HMCN2: variants seen among roughly 807,000 people sequenced by gnomAD.
HMCN2 encodes hemicentin-2.
Under a neutral mutation model 377.5 loss-of-function variants are expected in HMCN2, and 325 were observed. The ratio of observed to expected loss-of-function variants is 0.86; its 90% CI spans 0.79 to 0.94. The LOEUF (loss-of-function observed/expected upper bound fraction) is 0.94, where lower values mean the gene tolerates loss of function less well. Among genes scored for constraint, HMCN2 ranks in the 40% least tolerant of loss-of-function variants. The pLI is 0.00. For synonymous variants in HMCN2, 2,007 were observed against 2,046.8 expected (o/e 0.98, Z 0.53); for missense variants, 4,543 against 4,725.3 (o/e 0.96, Z 1.13).
Position 130,348,583 on chromosome 9 carries a change from G to A in HMCN2, c.4063G>A (p.Val1355Met), listed in dbSNP as rs902286654. The A allele has an allele frequency of 1.6e-5, 21 of 1,304,162 alleles. No individual in the cohort carries two copies. Among genetic ancestry groups the A allele is most frequent in the African/African-American group, 9.1e-5 (6 of 65,898 alleles). 80.8% of individuals were successfully genotyped at this position (1,304,162 alleles called of 1,614,324 possible). A position where few individuals can be genotyped will look rare whatever the true frequency, so the allele number is the denominator to read the frequency against. The stretch of plus-strand genomic sequence containing the variant: ...CCGGGAGGACGGGCGCAAGGCCAAC[G>A]TGTCGGGTATGGCCGGGCAGTCCCT... ...SIREDGRKAN[V>M]SGMAGQSLTL... Residue 1355 changes from valine to methionine, a missense_variant, in exon 27 of 98, where the codon GTG becomes ATG. Coordinates refer to ENST00000683500, the MANE Select transcript of HMCN2 (RefSeq NM_001291815.2).
At chr9:130,403,903 G>A in intron 80 of HMCN2, 28 bp downstream of exon 80, 2 of 1,280,458 alleles carry the variant, frequency 1.6e-6, no homozygotes, top group South Asian at 2.5e-5. Flanking sequence ...GCCGAGGTGG[G>A]CCCTGGCAAC....
rs988255437 is a variant in HMCN2 at position 130,395,244 on chromosome 9, G to A, written c.10808G>A (p.Arg3603His). ...AACATTGTTGGGCCCCGAGGCCCCC[G>A]CTTTGTGGTCGGCCTGGCCCCAGGG... ...PPNIVGPRGP[R>H]FVVGLAPGQL... Residue 3603 changes from arginine (R) to histidine (H), a missense_variant, in exon 71 of 98, where the codon CGC (arginine) becomes CAC (histidine). Arg to His is a conservative substitution (Grantham distance 29). Transcript: ENST00000683500. The A allele has an allele frequency of 7.8e-6, 10 of 1,289,212 alleles. No homozygotes were observed. Among genetic ancestry groups the A allele is most frequent in the South Asian group, 3.7e-5 (3 of 80,962 alleles). The allele number at this position is 1,289,212 out of a possible 1,614,324, so 79.9% of individuals were successfully genotyped here.
intron 94 of HMCN2, 29 bp from the exon 95 acceptor site, chr9:130,430,255 T>G: frequency 6.6e-7 from 1 of 1,507,726 alleles, no homozygotes; most frequent in Non-Finnish European, 8.9e-7. Flanking sequence ...GGGCCACCTG[T>G]GCACACACCT....
rs1844817769 is a variant in HMCN2, at chr9:130,432,468, C to T, written c.14807C>T (p.Pro4936Leu). The change falls in exon 97 of 98, where the codon CCC becomes CTC. Residue 4936 changes from proline (P) to leucine (L), a missense_variant. By Grantham distance (98) the Pro-to-Leu change is moderately conservative. Around this residue, in one of 5 missense-constraint regions of HMCN2, gnomAD observed 1,155 missense variants for 1,157.7 expected, o/e 1.00. Coordinates refer to ENST00000683500, the MANE Select transcript of HMCN2 (RefSeq NM_001291815.2). ...ECEEESIECG[P>L]GQMCFNTRGS... The stretch of plus-strand genomic sequence containing the variant: ...GAGGAGGAGAGCATCGAGTGTGGAC[C>T]CGGCCAGATGTGCTTCAACACCCGT... 4 of 1,550,852 alleles carry T rather than the reference C, an allele frequency of 2.6e-6. No individual in the cohort carries two copies. Among genetic ancestry groups the T allele is most frequent in the Non-Finnish European group, 3.5e-6 (4 of 1,147,074 alleles).
intron 55 of HMCN2, among the ~76,000 whole-genome samples, 185 bp downstream of exon 55, chr9:130,382,482 G>A (rs1841782494): frequency 6.6e-6 from 1 of 152,202 alleles, no homozygotes; most frequent in Non-Finnish European, 1.5e-5. Flanking sequence ...AAGCTTCCTA[G>A]CTGTGTGACA....
Position 130,369,464 on chromosome 9 carries a change from G to A in HMCN2, c.6788-106G>A, listed in dbSNP as rs1418726455. 1 of 591,868 alleles carries A rather than the reference G, an allele frequency of 1.7e-6. No individual in the cohort carries two copies. The highest frequency in any genetic ancestry group is 2.1e-6 in the Non-Finnish European group (1 of 470,156). The allele number at this position is 591,868 out of a possible 1,614,324, so 36.7% of individuals were successfully genotyped here. A position where few individuals can be genotyped will look rare whatever the true frequency, so the allele number is the denominator to read the frequency against. On this transcript the variant is annotated intron_variant, in intron 44 of 97. Transcript: ENST00000683500. The surrounding 1 kb of genome is among the most constrained non-coding windows in gnomAD (Gnocchi z 4.5). ...GTGAGGTCACGAGGTCACACAGCCA[G>A]CGATGGCAAGGGGAGAGGGTGTGTC...
chr9:130,411,669 C>G (rs1843419979), intron 85 of HMCN2, among the ~76,000 whole-genome samples: 1 of 149,168 alleles, frequency 6.7e-6, no homozygotes, highest in Non-Finnish European at 1.5e-5. Flanking sequence ...CATAGATGAA[C>G]CTTGAGGTCA....
At chr9:130,266,736 C>T (rs1228232066) in intron 1 of HMCN2, among the ~76,000 whole-genome samples, 2 of 152,220 alleles carry the variant, frequency 1.3e-5, no homozygotes, top group African/African-American at 4.8e-5. Flanking sequence ...CCGTGGCCTC[C>T]ACCTGCTGTG....
chr9:130,308,400 G>A lies in HMCN2; in HGVS notation c.2200+834G>A, dbSNP rs1443312650. 4.6e-5 allele frequency among the ~76,000 whole-genome samples: 7 copies of A among 152,196 alleles called. No individual in the cohort carries two copies. Among genetic ancestry groups the A allele is most frequent in the African/African-American group, 9.7e-5 (4 of 41,434 alleles). On this transcript the variant is annotated intron_variant, in intron 14 of 97. Transcript: ENST00000683500. This position sits in a 1 kb window ranked among gnomAD's most constrained non-coding sequence, Gnocchi z 4.1. Reference sequence around the variant, plus strand: ...GAGGCCCTGAGGTCATGGGCAGAGCGTTTTCACGGTGCCTGCTGCCAGGCT... The same window carrying A: ...GAGGCCCTGAGGTCATGGGCAGAGCATTTTCACGGTGCCTGCTGCCAGGCT...
intron 51 of HMCN2, 34 bp downstream of exon 51, chr9:130,376,023 G>T (rs1841357800): frequency 1.1e-6 from 1 of 933,268 alleles, no homozygotes; most frequent in Non-Finnish European, 1.3e-6. Context: ...AGCCGGGTGG[G>T]CAGAAGACCG....
intron 61 of HMCN2, among the ~76,000 whole-genome samples, chr9:130,387,927 A>C (rs866359978): frequency 1.3e-5 from 2 of 152,238 alleles, no homozygotes; most frequent in South Asian, 4.1e-4. Context: ...AAAATAAAAA[A>C]TAAAGTAACA....
chr9:130,286,221 C>T lies in HMCN2; in HGVS notation c.523C>T (p.Arg175Cys), dbSNP rs1032879034. The change falls in exon 4 of 98, where the codon CGC (arginine) becomes TGC (cysteine). Residue 175 changes from arginine (R) to cysteine (C), a missense_variant. Arg to Cys is a radical substitution (Grantham distance 180). Transcript: ENST00000683500. ...VFVLTGDCGD[R>C]THPGYLAYEE... is the part of the protein sequence containing the mutation. ...TGTGCTGACGGGGGACTGTGGCGAC[C>T]GCACCCATCCTGGCTACCTGGCTTA... is the stretch of plus-strand genomic sequence containing the variant. The T allele has an allele frequency of 1.7e-5, 8 of 470,898 alleles. No individual in the cohort carries two copies. The highest frequency in any genetic ancestry group is 3.1e-5 in the Non-Finnish European group (7 of 227,052). 29.2% of individuals were successfully genotyped at this position (470,898 alleles called of 1,614,324 possible). A position where few individuals can be genotyped will look rare whatever the true frequency, so the allele number is the denominator to read the frequency against.
intron 43 of HMCN2, 24 bp from the exon 44 acceptor site, chr9:130,368,252 G>A: frequency 1.0e-6 from 1 of 985,550 alleles, no homozygotes; most frequent in Non-Finnish European, 1.2e-6. Flanking sequence ...CCTGGACCAG[G>A]AGTTTCTTTT....
chr9:130,368,088 T>A (rs994072377), intron 43 of HMCN2, among the ~76,000 whole-genome samples, 188 bp from the exon 44 acceptor site: 1 of 151,268 alleles, frequency 6.6e-6, no homozygotes, highest in Non-Finnish European at 1.5e-5. Flanking sequence ...TGGGGGGAGT[T>A]CAGAAGAGGC....
intron 22 of HMCN2, among the ~76,000 whole-genome samples, chr9:130,336,953 G>T (rs1838785932): frequency 6.6e-6 from 1 of 152,140 alleles, no homozygotes; most frequent in Non-Finnish European, 1.5e-5. Context: ...GCAAGGTGGG[G>T]GCCAGGCATC....
chr9:130,406,211 C>T (rs1289124308), intron 82 of HMCN2, 43 bp downstream of exon 82: 3 of 1,282,638 alleles, frequency 2.3e-6, no homozygotes, highest in Non-Finnish European at 3.1e-6. Flanking sequence ...AGCCAGGACA[C>T]CGGGAGGTTA....
chr9:130,392,762 C>T (rs1360151020), intron 66 of HMCN2, among the ~76,000 whole-genome samples: 35 of 152,084 alleles, frequency 2.3e-4, no homozygotes, highest in South Asian at 2.1e-4. Flanking sequence ...TTTGGGAGGC[C>T]AAGGCGGGCA....
intron 23 of HMCN2, among the ~76,000 whole-genome samples, chr9:130,340,644 G>A (rs995675375): frequency 8.6e-5 from 13 of 151,784 alleles, no homozygotes; most frequent in South Asian, 2.1e-4. Flanking sequence ...TTCAGCCTCC[G>A]AGTAGTTGGG....
intron 31 of HMCN2, among the ~76,000 whole-genome samples, chr9:130,354,371 G>A (rs1839906358): frequency 6.6e-6 from 1 of 152,202 alleles, no homozygotes; most frequent in South Asian, 2.1e-4. Flanking sequence ...TGCCTCCTGA[G>A]ACCAGGGAGG....
Sources: allele counts gnomAD v4.1 joint callset (sites outside exome capture counted in the v4.1 genomes callset), GRCh38; gene constraint gnomAD v4.1.1; regional missense constraint gnomAD v4.1.1; non-coding constraint Gnocchi (gnomAD v3.1); transcripts MANE v1.5; gene names NCBI Gene and HGNC (gene_info 2026-07-23, HGNC 2026-07-21).